Variants in BCOR observed in about 807,000 individuals in gnomAD.
BCOR encodes BCL-6 corepressor.
Under a neutral mutation model 86.7 loss-of-function variants are expected in BCOR, and 10 were observed. The observed-to-expected ratio is 0.12, with a 90% CI of 0.07 to 0.20. The LOEUF (loss-of-function observed/expected upper bound fraction) is 0.20. BCOR is among the 10% of genes least tolerant of loss of function. The pLI is 1.00. For missense variants in BCOR, 1,259 were observed against 1,452.1 expected, an observed-to-expected ratio of 0.87 and a Z score of 2.16; for synonymous variants, 611 against 609.0, an observed-to-expected ratio of 1.00 and a Z score of -0.05.
intron 6 of BCOR, among the ~76,000 whole-genome samples, chrX:40,064,859 C>T (rs925315986): frequency 8.9e-6 from 1 of 111,844 alleles, no homozygotes; most frequent in African/African-American, 3.3e-5. Context: ...CTTCTCCCTT[C>T]TTATGGTTGG....
chrX:40,062,811 G>A lies in BCOR; in HGVS notation c.4108C>T (p.Pro1370Ser), dbSNP rs1316943672. 8.3e-7 allele frequency: 1 copy of A among 1,209,946 alleles called. No homozygotes were observed. Residue 1370 changes from proline (P) to serine (S), a missense_variant, in exon 9 of 15, where the codon CCT (proline) becomes TCT (serine). Transcript: ENST00000378444. Reference protein sequence around the residue: ...KRLCKTKHLIPQESRRGLPLT... With the variant: ...KRLCKTKHLISQESRRGLPLT... ...GGCAATCCCCGCCTGGACTCCTGAG[G>A]GATCAAGTGTTTGGTTTTGCACAGT...
At chrX:40,067,091 G>A (rs1159821407) in intron 6 of BCOR, among the ~76,000 whole-genome samples, 1 of 111,807 alleles carries the variant, frequency 8.9e-6, no homozygotes, top group Non-Finnish European at 1.9e-5. Context: ...GTTTTCCATT[G>A]GAGTTTTGAC....
At chrX:40,132,053 G>A (rs1282164040) in intron 1 of BCOR, among the ~76,000 whole-genome samples, 1 of 111,705 alleles carries the variant, frequency 9.0e-6, no homozygotes, top group Non-Finnish European at 1.9e-5. Context: ...CTCTTTTTGG[G>A]GCACTTGCTC....
intron 1 of BCOR, among the ~76,000 whole-genome samples, chrX:40,095,168 C>T (rs1310262923): frequency 8.9e-6 from 1 of 111,815 alleles, no homozygotes; most frequent in Non-Finnish European, 1.9e-5. Context: ...CCGCTCTACG[C>T]GCTGAAACCC....
At chrX:40,173,349 AG>A (rs775318851) in intron 1 of BCOR, among the ~76,000 whole-genome samples, 2 of 112,205 alleles carry the variant, frequency 1.8e-5, no homozygotes, top group African/African-American at 6.5e-5. Flanking sequence ...GGTTGTTCTG[AG>A]GATAACATGC....
intron 1 of BCOR, among the ~76,000 whole-genome samples, chrX:40,152,256 C>T (rs368721756): frequency 3.6e-5 from 4 of 111,491 alleles, no homozygotes; most frequent in African/African-American, 1.3e-4. Context: ...GCTTCGACAG[C>T]CCTGAGCGCC....
chrX:40,087,847 A>C (rs1315392038), intron 1 of BCOR, among the ~76,000 whole-genome samples: 3 of 112,516 alleles, frequency 2.7e-5, no homozygotes. Flanking sequence ...CAAAGGATGG[A>C]GGCTGCTGCT....
chrX:40,156,995 A>C (rs1470931273), intron 1 of BCOR, among the ~76,000 whole-genome samples: 1 of 113,590 alleles, frequency 8.8e-6, no homozygotes, highest in African/African-American at 3.2e-5. Flanking sequence ...ACCCGAGCTA[A>C]CGCTAGGAGA....
rs748601406 is a variant in BCOR, at chrX:40,076,550, C to A, written c.87-18G>T. ...GGATTTTCCTATTTAAAAAGATACA[C>A]CAACTTCATGAAAGCATTCCTCACT... On this transcript the variant is annotated intron_variant, in intron 2 of 14. Transcript: ENST00000378444. 13 of 1,134,231 alleles carry A rather than the reference C, an allele frequency of 1.1e-5. No individual in the cohort carries two copies. The East Asian group carries it at 3.3e-4, about 29-fold the overall frequency. The allele number at this position is 1,134,231 out of a possible 1,213,427, so 93.5% of individuals were successfully genotyped here.
intron 1 of BCOR, among the ~76,000 whole-genome samples, chrX:40,149,454 C>T (rs1260006347): frequency 9.0e-6 from 1 of 111,322 alleles, no homozygotes; most frequent in Admixed American, 9.6e-5. Flanking sequence ...TTCAGCCAAG[C>T]TGAGCCCAGC....
intron 1 of BCOR, among the ~76,000 whole-genome samples, chrX:40,159,386 G>C (rs1045508814): frequency 8.9e-6 from 1 of 112,885 alleles, no homozygotes; most frequent in African/African-American, 3.2e-5. Context: ...TCGCTCTGTC[G>C]TCCAGGTTGG....
intron 1 of BCOR, among the ~76,000 whole-genome samples, chrX:40,125,346 G>A (rs755594461): frequency 5.4e-5 from 6 of 111,625 alleles, no homozygotes; most frequent in Admixed American, 9.5e-5. Flanking sequence ...TGATTCTCCC[G>A]CCTCAGCCTC....
intron 1 of BCOR, among the ~76,000 whole-genome samples, chrX:40,094,378 G>A (rs1243751893): frequency 8.9e-6 from 1 of 112,751 alleles, no homozygotes; most frequent in Non-Finnish European, 1.9e-5. Flanking sequence ...GGTTCACGGC[G>A]GACAGAACCC....
intron 1 of BCOR, among the ~76,000 whole-genome samples, chrX:40,111,587 TC>T (rs937438760): frequency 1.8e-5 from 2 of 111,892 alleles, no homozygotes; most frequent in African/African-American, 6.5e-5. Flanking sequence ...GAAGATCTGC[TC>T]TGTGTATTGA....
At chrX:40,094,332 AGC>A (rs1936753587) in intron 1 of BCOR, among the ~76,000 whole-genome samples, 1 of 112,399 alleles carries the variant, frequency 8.9e-6, no homozygotes, top group African/African-American at 3.2e-5. Context: ...CACCCGCGAG[AGC>A]GCGGAGACCC....
intron 1 of BCOR, among the ~76,000 whole-genome samples, chrX:40,118,982 G>A (rs1937439888): frequency 1.8e-5 from 2 of 112,185 alleles, no homozygotes; most frequent in Non-Finnish European, 3.8e-5. Context: ...ACAGGCATGC[G>A]CCACCACGCC....
chrX:40,157,227 G>A (rs1048299186), intron 1 of BCOR, among the ~76,000 whole-genome samples: 1 of 112,335 alleles, frequency 8.9e-6, no homozygotes, highest in South Asian at 3.7e-4. Flanking sequence ...TGCGTCCTTG[G>A]CCCTAATCAG....
chrX:40,176,778 C>T (rs1938765993), intron 1 of BCOR, among the ~76,000 whole-genome samples: 1 of 112,304 alleles, frequency 8.9e-6, no homozygotes, highest in Non-Finnish European at 1.9e-5. Flanking sequence ...CGCGCCACCC[C>T]CGCCCGGCCC....
chrX:40,125,025 C>CG (rs1238372569), intron 1 of BCOR, among the ~76,000 whole-genome samples: 5 of 11,048 alleles, frequency 4.5e-4, no homozygotes, highest in East Asian at 2.3e-3. Context: ...TGTGTGGCGT[C>CG]GGGGGGGCGG....
Sources: gnomAD v4.1 joint callset for allele counts (sites outside exome capture counted in the v4.1 genomes callset) on GRCh38, gnomAD v4.1.1 for gene constraint, MANE v1.5 for transcripts, NCBI Gene and HGNC (gene_info 2026-07-23, HGNC 2026-07-21) for gene names.